MST1: variants seen among roughly 807,000 people sequenced by gnomAD.
MST1 encodes hepatocyte growth factor-like protein.
In MST1, 76 loss-of-function variants were observed where a neutral mutation model predicts 100.1. The observed-to-expected ratio is 0.76, with a 90% confidence interval of 0.63 to 0.92. MST1 has a LOEUF of 0.92. MST1 is among the 40% of genes least tolerant of loss of function. MST1 has a pLI of 0.00. For synonymous variants in MST1, 352 were observed against 385.4 expected, an observed-to-expected ratio of 0.91 and a Z score of 1.01; for missense variants, 850 against 990.0, an observed-to-expected ratio of 0.86 and a Z score of 1.90.
rs1167179133 is a variant in MST1 at position 49,686,795 on chromosome 3, C to G, written c.736G>C (p.Asp246His). 18 of 1,612,196 alleles carry G rather than the reference C, an allele frequency of 1.1e-5. No homozygotes were observed. The Admixed American group carries it at 3.0e-4, about 27-fold the overall frequency. ...QHPFEPGKFL[D>H]QGLDDNYCRN... Reference sequence around the variant, plus strand: ...CAATAGTTGTCGTCCAGACCTTGGTCGAGGAACCTGGGGGCGGTAATGGGG... The same window carrying G: ...CAATAGTTGTCGTCCAGACCTTGGTGGAGGAACCTGGGGGCGGTAATGGGG... The change falls in exon 7 of 18, where the codon GAC (aspartate) becomes CAC (histidine). Residue 246 changes from aspartate to histidine, a missense_variant. Transcript: ENST00000449682.
rs1255375162 is a variant in MST1 at position 49,684,078 on chromosome 3, G to A, written c.2128C>T (p.Arg710Cys). The change falls in exon 18 of 18, where the codon CGT becomes TGT. Residue 710 changes from arginine (R) to cysteine (C), a missense_variant. Coordinates refer to ENST00000449682, the MANE Select transcript of MST1 (RefSeq NM_020998.4). ...ATCCAGTCCACAAACACAGAGACAC[G>A]CGTGAAGACAGCTGGCCAGCGGGAC... ...ARSRWPAVFT[R>C]VSVFVDWIHK... The A allele has an allele frequency of 8.1e-6, 13 of 1,613,572 alleles. No individual in the cohort carries two copies. The Admixed American group carries it at 8.3e-5, about 10-fold the overall frequency.
rs542749939 is a variant in MST1 at position 49,685,036 on chromosome 3, G to C, written c.1598C>G (p.Thr533Ser). The change falls in exon 14 of 18, where the codon ACT becomes AGT. Residue 533 changes from threonine (T) to serine (S), a missense_variant. By Grantham distance (58) the Thr-to-Ser change is moderately conservative. Around this residue, in one of 2 missense-constraint regions of MST1, gnomAD observed 816 missense variants for 924.6 expected, o/e 0.88. Transcript: ENST00000449682. ...GSLVKEQWIL[T>S]ARQCFSSCHM... ...CCAGGAGGAGAAGCACTGCCGGGCA[G>C]TCAGTATCCACTGCTCCTTCACTAG... The C allele has an allele frequency of 9.3e-5, 150 of 1,611,642 alleles. 2 individuals carry two copies. In the East Asian group the frequency reaches 2.3e-3, roughly 25 times the overall value.
In MST1 at chr3:49,685,968, G is replaced by A; in HGVS notation, c.1148-6C>T. 2.5e-6 allele frequency: 4 copies of A among 1,605,810 alleles called. No homozygotes were observed. The highest frequency in any genetic ancestry group is 3.4e-6 in the Non-Finnish European group (4 of 1,178,246). On this transcript the variant is annotated splice_polypyrimidine_tract_variant and splice_region_variant and intron_variant, in intron 9 of 17. Coordinates refer to ENST00000449682, the MANE Select transcript of MST1 (RefSeq NM_020998.4). ...CCCTGCGCCGTGGTAGCAGTCTGTG[G>A]CGGGTGCGGGCAGCCATCAGGCCGA...
At position 49,685,343 on chromosome 3, in the gene MST1, C is replaced by G. The variant is rs201108954; in HGVS notation, c.1463G>C (p.Arg488Pro). 1 of 1,613,584 alleles carries G rather than the reference C, an allele frequency of 6.2e-7. No individual in the cohort carries two copies. The highest frequency in any genetic ancestry group is 8.5e-7 in the Non-Finnish European group (1 of 1,179,858). ...QFEKCGKRVD[R>P]LDQRRSKLRV... The stretch of plus-strand genomic sequence containing the variant: ...CAGCTTGGAACGCCGCTGATCCAGC[C>G]GATCCACCCTCTTGCCACACTTCTC... The change falls in exon 13 of 18, where the codon CGG becomes CCG. Residue 488 changes from arginine (R) to proline (P), a missense_variant. Physicochemically the swap from Arg to Pro is moderately radical, Grantham distance 103. This residue lies in a region of MST1 where 816 missense variants were observed against 924.6 expected (regional missense o/e 0.88). Transcript: ENST00000449682.
chr3:49,684,022 CTGGGCCTAACCCAG>C lies in MST1; in HGVS notation c.2170_*5del. Reference sequence around the variant, plus strand: ...CTCCCCAAGGCATATGGCATCAAGGCTGGGCCTAACCCAGTCTCATGACCTTGTGAATCCAGTCC... The same window carrying C: ...CTCCCCAAGGCATATGGCATCAAGGCTCTCATGACCTTGTGAATCCAGTCC... On this transcript the variant is annotated stop_lost and 3_prime_UTR_variant, in exon 18 of 18. Transcript: ENST00000449682. 1 of 1,611,704 alleles carries C rather than the reference CTGGGCCTAACCCAG, an allele frequency of 6.2e-7. No individual in the cohort carries two copies. The highest frequency in any genetic ancestry group is 8.5e-7 in the Non-Finnish European group (1 of 1,178,978).
chr3:49,685,134 G>C (rs768589445), intron 13 of MST1, 45 bp from the exon 14 acceptor site: 2 of 1,599,810 alleles, frequency 1.3e-6, no homozygotes, highest in Non-Finnish European at 1.7e-6. Flanking sequence ...TCCTGGGACA[G>C]ATGCTAGACC....
In MST1 at chr3:49,684,284, C is replaced by T. The variant is rs375990239; in HGVS notation, c.2016+30G>A. ...TTCATTTCTAGCCCCCCATACCCTT[C>T]CAGGGCTGGCCCAGGGCCCTGCCAC... On this transcript the variant is annotated intron_variant, in intron 17 of 17. Transcript: ENST00000449682. The T allele has an allele frequency of 8.2e-4, 1,317 of 1,612,346 alleles. 14 individuals are homozygous for T. The African/African-American group carries it at 0.015, about 18-fold the overall frequency.
At chr3:49,686,289 G>GCCCCCCCCCACCCCCCCCCCCC in intron 8 of MST1, 24 bp downstream of exon 8, 1 of 1,235,666 alleles carries the variant, frequency 8.1e-7, no homozygotes, top group South Asian at 1.4e-5. Context: ...ACGTCCCAAC[G>GCCCCCCCCCACCCCCCCCCCCC]CCCGCCCCCC....
rs763276125 is a variant in MST1, at chr3:49,687,756, T to G, written c.236A>C (p.Asp79Ala). Residue 79 changes from aspartate (D) to alanine (A), a missense_variant, in exon 2 of 18, where the codon GAC (aspartate) becomes GCC (alanine). By Grantham distance (126) the Asp-to-Ala change is moderately radical. This residue lies in a region of MST1 where 816 missense variants were observed against 924.6 expected (regional missense o/e 0.88). Transcript: ENST00000449682. ...AGGCCCAGTGGCCACTCACCGGCAGTCCATTAAGGGCCCACAGCGACCAGC... is the reference window on the plus strand; with the variant it reads ...AGGCCCAGTGGCCACTCACCGGCAGGCCATTAAGGGCCCACAGCGACCAGC... ...ECAGRCGPLMDCRAFHYNVSS... is the reference protein window; with the variant it reads ...ECAGRCGPLMACRAFHYNVSS... 3 of 1,613,562 alleles carry G rather than the reference T, an allele frequency of 1.9e-6. No individual in the cohort carries two copies. The highest frequency in any genetic ancestry group is 2.5e-6 in the Non-Finnish European group (3 of 1,179,854).
intron 14 of MST1, 27 bp downstream of exon 14, chr3:49,684,985 G>A: frequency 6.2e-7 from 1 of 1,612,680 alleles, no homozygotes; most frequent in Non-Finnish European, 8.5e-7. Context: ...GGATGAGACT[G>A]GGTCCCCAAA....
rs373111527 is a variant in MST1, at chr3:49,687,461, T to G, written c.373A>C (p.Ile125Leu). ...FQKKDYVRTC[I>L]MNNGVGYRGT... ...CGGTACCCAACCCCATTGTTCATGA[T>G]GCAGGTCCGTACGTAGTCTGGGAGC... is the stretch of plus-strand genomic sequence containing the variant. The change falls in exon 4 of 18, where the codon ATC (isoleucine) becomes CTC (leucine). Residue 125 changes from isoleucine (I) to leucine (L), a missense_variant. Physicochemically the swap from Ile to Leu is conservative, Grantham distance 5. Around this residue, in one of 2 missense-constraint regions of MST1, gnomAD observed 816 missense variants for 924.6 expected, o/e 0.88. Coordinates refer to ENST00000449682, the MANE Select transcript of MST1 (RefSeq NM_020998.4). 3 of 1,613,370 alleles carry G rather than the reference T, an allele frequency of 1.9e-6. No individual in the cohort carries two copies. The highest frequency in any genetic ancestry group is 2.5e-6 in the Non-Finnish European group (3 of 1,179,884).
intron 10 of MST1, 64 bp from the exon 11 acceptor site, chr3:49,685,796 A>T: frequency 1.2e-6 from 2 of 1,612,720 alleles, no homozygotes; most frequent in Non-Finnish European, 1.7e-6. Context: ...CTCTGGTCCC[A>T]GACACCAAAG....
chr3:49,688,051 G>A (rs1041307101), intron 1 of MST1, 154 bp from the exon 2 acceptor site: 24 of 1,230,062 alleles, frequency 2.0e-5, no homozygotes, highest in Non-Finnish European at 2.7e-5. Flanking sequence ...CTAGCCCCCT[G>A]CACAGATACT....
intron 6 of MST1, 29 bp downstream of exon 6, chr3:49,686,918 C>G: frequency 6.2e-7 from 1 of 1,611,688 alleles, no homozygotes; most frequent in Non-Finnish European, 8.5e-7. Flanking sequence ...TAGCCCGGCC[C>G]CCAGGACGCC....
In MST1 at chr3:49,686,345, C is replaced by T; in HGVS notation, c.984G>A (p.Gln328=). 1.3e-6 allele frequency: 2 copies of T among 1,544,696 alleles called. No individual in the cohort carries two copies. Among genetic ancestry groups the T allele is most frequent in the African/African-American group, 1.5e-5 (1 of 67,006 alleles). The change falls in exon 8 of 18, where the codon CAG becomes CAA. Residue 328 remains glutamine (Q), a synonymous_variant. Coordinates refer to ENST00000449682, the MANE Select transcript of MST1 (RefSeq NM_020998.4). ...CQRWDAQIPH[Q]HRFTPEKYAC... is the part of the protein sequence containing the mutation. ...CGTATTTTTCTGGCGTAAATCGGTG[C>T]TGATGCGGGATTTGCGCGTCCCAAC...
chr3:49,688,366 G>T (rs1259571054), intron 1 of MST1: 5 of 548,540 alleles, frequency 9.1e-6, no homozygotes, highest in South Asian at 9.0e-5. Context: ...CTGTGTGCGT[G>T]CATCTGTGTG....
In MST1 at chr3:49,685,474, G is replaced by A. The variant is rs1251496930; in HGVS notation, c.1420C>T (p.Pro474Ser). The A allele has an allele frequency of 1.2e-6, 2 of 1,613,700 alleles. No homozygotes were observed. The highest frequency in any genetic ancestry group is 2.2e-5 in the South Asian group (2 of 91,072). Residue 474 changes from proline (P) to serine (S), a missense_variant, in exon 12 of 18, where the codon CCA (proline) becomes TCA (serine). Transcript: ENST00000449682. ...CATAACTGGCCCAACTCCTAACCTG[G>A]GGGGTCCAGGATTGATGGCGGCTGG... ...DDQPPSILDP[P>S]DQVQFEKCGK...
rs1277387984 is a variant in MST1 at position 49,684,615 on chromosome 3, G to T, written c.1811C>A (p.Pro604His). The T allele has an allele frequency of 6.2e-7, 1 of 1,613,660 alleles. No homozygotes were observed. The highest frequency in any genetic ancestry group is 8.5e-7 in the Non-Finnish European group (1 of 1,179,870). ...LNQRVALICLPPEWYVVPPGT... is the reference protein window; with the variant it reads ...LNQRVALICLHPEWYVVPPGT... Reference sequence around the variant, plus strand: ...TGGAGGCACCACATACCATTCAGGGGGCAGGCAGATCAGGGCCACACGCTG... The same window carrying T: ...TGGAGGCACCACATACCATTCAGGGTGCAGGCAGATCAGGGCCACACGCTG... The change falls in exon 16 of 18, where the codon CCC becomes CAC. Residue 604 changes from proline to histidine, a missense_variant. Pro to His is a moderately conservative substitution (Grantham distance 77). Coordinates refer to ENST00000449682, the MANE Select transcript of MST1 (RefSeq NM_020998.4).
At position 49,685,478 on chromosome 3, in the gene MST1, G is replaced by A. The variant is rs545162253; in HGVS notation, c.1416C>T (p.Asp472=). ...ACTGGCCCAACTCCTAACCTGGGGG[G>A]TCCAGGATTGATGGCGGCTGGTCAT... ...CADDQPPSIL[D]PPDQVQFEKC... Residue 472 remains aspartate (D), a synonymous_variant, in exon 12 of 18, where the codon GAC becomes GAT. Coordinates refer to ENST00000449682, the MANE Select transcript of MST1 (RefSeq NM_020998.4). 3.1e-6 allele frequency: 5 copies of A among 1,613,664 alleles called. No homozygotes were observed. The South Asian group carries it at 3.3e-5, about 11-fold the overall frequency.
Sources: allele counts gnomAD v4.1 joint callset, GRCh38; gene constraint gnomAD v4.1.1; regional missense constraint gnomAD v4.1.1; transcripts MANE v1.5; gene names NCBI Gene and HGNC (gene_info 2026-07-23, HGNC 2026-07-21).